TCF7L2: variants seen among roughly 807,000 people sequenced by gnomAD.
TCF7L2 encodes the protein transcription factor 7-like 2.
TCF7L2 carries 23 observed loss-of-function variants against 77.9 expected under a neutral mutation model. The ratio of observed to expected loss-of-function variants is 0.30; its 90% CI spans 0.21 to 0.42. The LOEUF is 0.42. Ranked by LOEUF, TCF7L2 falls within the 10% of genes least tolerant of loss-of-function variation. The probability of loss-of-function intolerance (pLI) is 1.00; values close to 1 mark genes in which losing one functional copy is unlikely to be tolerated. For synonymous variants in TCF7L2, 413 were observed against 340.2 expected (o/e 1.21, Z -2.36); for missense variants, 654 against 793.1 (o/e 0.82, Z 2.11).
chr10:113,165,019 G>A (rs1337117022), intron 13 of TCF7L2, among the ~76,000 whole-genome samples: 1 of 152,028 alleles, frequency 6.6e-6, no homozygotes, highest in Non-Finnish European at 1.5e-5. Context: ...GAGGCGGCTG[G>A]GGAAGGAGCT....
intron 4 of TCF7L2, among the ~76,000 whole-genome samples, chr10:113,031,679 G>A (rs144455988): frequency 6.6e-6 from 1 of 151,860 alleles, no homozygotes; most frequent in African/African-American, 2.4e-5. Flanking sequence ...GGAGAGATGG[G>A]GTCTCACCAT....
chr10:113,153,821 A>T (rs1030798023), intron 11 of TCF7L2, among the ~76,000 whole-genome samples: 5 of 152,338 alleles, frequency 3.3e-5, no homozygotes, highest in Admixed American at 3.3e-4. Flanking sequence ...CTGCCGGCCT[A>T]TGTGATCCTG....
intron 4 of TCF7L2, among the ~76,000 whole-genome samples, chr10:113,031,791 ACTTACCTT>A (rs1257551883): frequency 2.1e-4 from 32 of 152,100 alleles, no homozygotes; most frequent in African/African-American, 7.5e-4. Context: ...GTCTGGCCCT[ACTTACCTT>A]CTTTGTGTTA....
At chr10:112,985,436 A>G (rs2041298484) in intron 4 of TCF7L2, among the ~76,000 whole-genome samples, 2 of 152,150 alleles carry the variant, frequency 1.3e-5, no homozygotes, top group Admixed American at 1.3e-4. Context: ...CAAGACATAT[A>G]ATATATAAAC....
intron 5 of TCF7L2, among the ~76,000 whole-genome samples, chr10:113,044,358 G>C (rs945760353): frequency 1.7e-4 from 26 of 152,238 alleles, no homozygotes; most frequent in African/African-American, 6.0e-4. Flanking sequence ...TTTCTGAAGA[G>C]TTCAGGGGAA....
chr10:113,122,832 T>C (rs1157694464), intron 5 of TCF7L2, among the ~76,000 whole-genome samples: 1 of 152,196 alleles, frequency 6.6e-6, no homozygotes, highest in Non-Finnish European at 1.5e-5. Context: ...TATCCCTCCT[T>C]GGCCATCACA....
At chr10:113,145,937 T>C in intron 7 of TCF7L2, 74 bp from the exon 8 acceptor site, 1 of 1,287,570 alleles carries the variant, frequency 7.8e-7, no homozygotes, top group African/African-American at 1.5e-5. Context: ...AGAGAACTTT[T>C]CCCTTTTCTT....
chr10:113,158,795 C>A, intron 12 of TCF7L2, 78 bp downstream of exon 13: 1 of 1,388,992 alleles, frequency 7.2e-7, no homozygotes, highest in Non-Finnish European at 1.0e-6. Flanking sequence ...GTTTTATTAA[C>A]ATTTAAACAC....
rs1319477606 is a variant in TCF7L2 at position 112,950,430 on chromosome 10, A to C, written c.-327A>C. On this transcript the variant is annotated 5_prime_UTR_variant, in exon 1 of 14. Coordinates refer to ENST00000627217, the MANE Select transcript of TCF7L2 (RefSeq NM_001146274.2). The stretch of plus-strand genomic sequence containing the variant: ...CCCCCCCCTTTGCTCTTTATATCTG[A>C]CTTCTTGTTGTTGTTGGTGTTTTTT... The C allele has an allele frequency of 1.0e-4, 19 of 190,814 alleles. No homozygotes were observed. Among genetic ancestry groups the C allele is most frequent in the Admixed American group, 2.1e-4 (3 of 13,990 alleles). The allele number at this position is 190,814 out of a possible 1,614,324, so 11.8% of individuals were successfully genotyped here.
intron 5 of TCF7L2, among the ~76,000 whole-genome samples, chr10:113,073,046 G>A (rs1443834877): frequency 2.0e-5 from 3 of 151,280 alleles, no homozygotes; most frequent in Non-Finnish European, 4.4e-5. Flanking sequence ...AATGGAAGTG[G>A]ACCCTAGTTA....
intron 4 of TCF7L2, among the ~76,000 whole-genome samples, chr10:112,976,908 A>G (rs763592045): frequency 6.6e-6 from 1 of 150,984 alleles, no homozygotes; most frequent in Non-Finnish European, 1.5e-5. Flanking sequence ...ACTGGTGTCT[A>G]TTTCTATGAC....
At chr10:113,016,088 G>A (rs1042274633) in intron 4 of TCF7L2, among the ~76,000 whole-genome samples, 2 of 151,284 alleles carry the variant, frequency 1.3e-5, no homozygotes, top group African/African-American at 2.4e-5. Flanking sequence ...TAATTGAGAC[G>A]GAGTCTTGCT....
Position 113,165,841 on chromosome 10 carries a change from C to T in TCF7L2, c.1678C>T (p.Pro560Ser). The T allele has an allele frequency of 6.2e-7, 1 of 1,607,602 alleles. No individual in the cohort carries two copies. Among genetic ancestry groups the T allele is most frequent in the Non-Finnish European group, 8.5e-7 (1 of 1,176,104 alleles). Residue 560 changes from proline to serine, a missense_variant, in exon 14 of 14, where the codon CCA becomes TCA. Around this residue, in one of 6 missense-constraint regions of TCF7L2, gnomAD observed 272 missense variants for 215.4 expected, o/e 1.26. Coordinates refer to ENST00000627217, the MANE Select transcript of TCF7L2 (RefSeq NM_001146274.2). ...TCCCAACGGGGCCCTGGACCTGCCC[C>T]CAGCCGCTTTGCAGCCTGCCGCCCC...
chr10:113,077,314 A>G (rs2058796108), intron 5 of TCF7L2, among the ~76,000 whole-genome samples: 1 of 152,272 alleles, frequency 6.6e-6, no homozygotes, highest in African/African-American at 2.4e-5. Context: ...AATTATGCCA[A>G]TTTAAACTCC....
At chr10:113,054,368 A>G (rs1199143983) in intron 5 of TCF7L2, among the ~76,000 whole-genome samples, 1 of 152,178 alleles carries the variant, frequency 6.6e-6, no homozygotes, top group Non-Finnish European at 1.5e-5. Context: ...TATCTTTTGT[A>G]TAAATTTGGA....
intron 4 of TCF7L2, among the ~76,000 whole-genome samples, chr10:113,023,557 C>G (rs1156770595): frequency 6.6e-6 from 1 of 152,208 alleles, no homozygotes; most frequent in African/African-American, 2.4e-5. Context: ...CTGCAACCTT[C>G]ACCTCCCAGG....
At chr10:113,126,530 GGGGGA>G in intron 5 of TCF7L2, 1 of 981,054 alleles carries the variant, frequency 1.0e-6, no homozygotes, top group South Asian at 4.7e-5. Context: ...GCCGGGGTTT[GGGGGA>G]AAAAAAGAAG....
chr10:113,125,362 C>T (rs1302065610), intron 5 of TCF7L2, among the ~76,000 whole-genome samples: 1 of 151,780 alleles, frequency 6.6e-6, no homozygotes, highest in Non-Finnish European at 1.5e-5. Flanking sequence ...AACTAAATAG[C>T]TTGAATAGTA....
intron 4 of TCF7L2, among the ~76,000 whole-genome samples, chr10:113,015,140 C>G (rs891264409): frequency 1.3e-5 from 2 of 151,724 alleles, no homozygotes; most frequent in Non-Finnish European, 2.9e-5. Flanking sequence ...GAGCTGAGAT[C>G]ACACCATTGC....
Sources: allele counts gnomAD v4.1 joint callset (sites outside exome capture counted in the v4.1 genomes callset), GRCh38; gene constraint gnomAD v4.1.1; regional missense constraint gnomAD v4.1.1; transcripts MANE v1.5; gene names NCBI Gene and HGNC (gene_info 2026-07-23, HGNC 2026-07-21).